CPA3: variants seen among roughly 807,000 people sequenced by gnomAD.
The protein encoded by CPA3 is carboxypeptidase A3, also known as mast cell carboxypeptidase A.
In CPA3, 52 loss-of-function variants were observed where a neutral mutation model predicts 55.8. The ratio of observed to expected loss-of-function variants is 0.93; its 90% CI spans 0.75 to 1.17. CPA3 has a LOEUF of 1.17. Ranked by LOEUF, CPA3 falls within the 50% of genes most tolerant of loss-of-function variation. CPA3 has a pLI of 0.00. For synonymous variants in CPA3, 179 were observed against 171.2 expected (o/e 1.05, Z -0.36); for missense variants, 547 against 509.1 (o/e 1.07, Z -0.72).
intron 3 of CPA3, among the ~76,000 whole-genome samples, chr3:148,878,038 T>C (rs1389980729): frequency 6.6e-6 from 1 of 152,370 alleles, no homozygotes; most frequent in Non-Finnish European, 1.5e-5. Context: ...AAATTAACTG[T>C]AGCAATACAT....
intron 6 of CPA3, 101 bp downstream of exon 6, chr3:148,879,990 G>T (rs1714318983): frequency 1.3e-6 from 1 of 765,642 alleles, no homozygotes. Flanking sequence ...CACTTAGCTA[G>T]AAGAGCCCAT....
At chr3:148,886,012 A>T (rs1714517675) in intron 9 of CPA3, 81 bp from the exon 10 acceptor site, 1 of 967,792 alleles carries the variant, frequency 1.0e-6, no homozygotes, top group Non-Finnish European at 1.6e-6. Flanking sequence ...CCATTAAAAA[A>T]TTGCATACAT....
rs1269954567 is a variant in CPA3, at chr3:148,876,740, T to C, written c.270-1701T>C. Among the ~76,000 whole-genome samples the C allele has an allele frequency of 4.6e-5, 7 of 152,182 alleles. No homozygotes were observed. The East Asian group carries it at 1.3e-3, about 29-fold the overall frequency. Reference sequence around the variant, plus strand: ...TTTGGAAAAAAAGAATAAGATACATTATCCAGTATTAAATTTTACTGTAAT... The same window carrying C: ...TTTGGAAAAAAAGAATAAGATACATCATCCAGTATTAAATTTTACTGTAAT... On this transcript the variant is annotated intron_variant, in intron 3 of 10. Coordinates refer to ENST00000296046, the MANE Select transcript of CPA3 (RefSeq NM_001870.4).
intron 3 of CPA3, among the ~76,000 whole-genome samples, chr3:148,876,464 C>T (rs1278067204): frequency 6.6e-6 from 1 of 151,832 alleles, no homozygotes; most frequent in East Asian, 1.9e-4. Flanking sequence ...GCAACCTCCA[C>T]CTCCTGGGTT....
At chr3:148,873,155 A>T (rs1714112946) in intron 3 of CPA3, among the ~76,000 whole-genome samples, 1 of 152,090 alleles carries the variant, frequency 6.6e-6, no homozygotes, top group African/African-American at 2.4e-5. Flanking sequence ...ACTTTGAGAA[A>T]TCCATGTCAG....
intron 8 of CPA3, among the ~76,000 whole-genome samples, chr3:148,883,074 T>A (rs1434275953): frequency 2.0e-5 from 3 of 152,224 alleles, no homozygotes; most frequent in Non-Finnish European, 4.4e-5. Flanking sequence ...AACTATGACT[T>A]CATCACTGCA....
At chr3:148,875,559 T>TC (rs1576580799) in intron 3 of CPA3, among the ~76,000 whole-genome samples, 1 of 152,232 alleles carries the variant, frequency 6.6e-6, no homozygotes, top group Middle Eastern at 3.4e-3. Flanking sequence ...TTAACTTTTC[T>TC]CTTTTTTTTT....
chr3:148,874,038 T>C (rs1714142896), intron 3 of CPA3, among the ~76,000 whole-genome samples: 1 of 152,204 alleles, frequency 6.6e-6, no homozygotes, highest in South Asian at 2.1e-4. Context: ...TGGCTGCTGG[T>C]TAGTAGAAGG....
intron 10 of CPA3, among the ~76,000 whole-genome samples, chr3:148,889,717 A>C (rs146318601): frequency 0.04 from 6,015 of 152,010 alleles, 174 homozygotes; most frequent in East Asian, 0.098. Context: ...TAAAAATACA[A>C]AAATTAGCTG....
At chr3:148,878,312 A>T (rs938068510) in intron 3 of CPA3, 129 bp from the exon 4 acceptor site, 1 of 709,084 alleles carries the variant, frequency 1.4e-6, no homozygotes, top group East Asian at 2.6e-5. Context: ...CTAGAGGAGA[A>T]TAATGAAGAA....
chr3:148,869,011 GC>G lies in CPA3; in HGVS notation c.243del (p.Leu82TrpfsTer11). Reference protein sequence around the residue: ...SEKESQAIQSALDQNKMHYEI... With the variant: ...SEKESQAIQSXLDQNKMHYEI... ...GAAGGAATCCCAAGCCATCCAGTCT[GC>G]CTTGGATCAAAATAAAATGCACTAT... On this transcript the variant is annotated frameshift_variant, in exon 3 of 11. Transcript: ENST00000296046. LOFTEE classifies it high-confidence loss of function. 1 of 1,613,980 alleles carries G rather than the reference GC, an allele frequency of 6.2e-7. No homozygotes were observed. The highest frequency in any genetic ancestry group is 8.5e-7 in the Non-Finnish European group (1 of 1,179,920).
chr3:148,893,035 C>G (rs915002845), intron 10 of CPA3, among the ~76,000 whole-genome samples: 3 of 151,852 alleles, frequency 2.0e-5, no homozygotes, highest in Admixed American at 1.3e-4. Context: ...TAAACCTGAA[C>G]AGGGTGATTA....
At chr3:148,873,263 A>G (rs996767649) in intron 3 of CPA3, among the ~76,000 whole-genome samples, 13 of 152,174 alleles carry the variant, frequency 8.5e-5, no homozygotes, top group African/African-American at 3.1e-4. Flanking sequence ...GAATAGCACC[A>G]TATCCTGATG....
At chr3:148,881,496 G>A (rs939477931) in intron 6 of CPA3, 26 bp from the exon 7 acceptor site, 2 of 1,443,170 alleles carry the variant, frequency 1.4e-6, no homozygotes, top group Non-Finnish European at 1.9e-6. Flanking sequence ...CATACCAATA[G>A]CTTAATTTTT....
At chr3:148,885,669 G>A (rs548339484) in intron 9 of CPA3, among the ~76,000 whole-genome samples, 2 of 151,742 alleles carry the variant, frequency 1.3e-5, no homozygotes, top group African/African-American at 2.4e-5. Flanking sequence ...CTCAGCCTCC[G>A]CAAGTGCTGG....
chr3:148,878,326 G>C, intron 3 of CPA3, 115 bp from the exon 4 acceptor site: 1 of 780,432 alleles, frequency 1.3e-6, no homozygotes. Flanking sequence ...TGAAGAAACA[G>C]AGCAAACTTG....
At chr3:148,868,861 A>G (rs1169998950) in intron 2 of CPA3, 54 bp from the exon 3 acceptor site, 7 of 1,583,038 alleles carry the variant, frequency 4.4e-6, no homozygotes, top group East Asian at 2.2e-5. Flanking sequence ...TTCTTAATCA[A>G]TAAGTGTTGG....
intron 2 of CPA3, among the ~76,000 whole-genome samples, chr3:148,867,613 C>T (rs1713940475): frequency 6.6e-6 from 1 of 152,230 alleles, no homozygotes; most frequent in African/African-American, 2.4e-5. Flanking sequence ...CATCACACTA[C>T]ATCTCTCATA....
At chr3:148,893,646 G>A (rs1391165430) in intron 10 of CPA3, among the ~76,000 whole-genome samples, 1 of 152,150 alleles carries the variant, frequency 6.6e-6, no homozygotes, top group African/African-American at 2.4e-5. Flanking sequence ...TCCTACATTT[G>A]ACAAAGACAT....
Sources: allele counts gnomAD v4.1 joint callset (sites outside exome capture counted in the v4.1 genomes callset), GRCh38; gene constraint gnomAD v4.1.1; transcripts MANE v1.5; gene names NCBI Gene and HGNC (gene_info 2026-07-23, HGNC 2026-07-21).